The following PTPRS variants were observed in gnomAD, a reference collection of about 807,000 sequenced individuals.
PTPRS encodes the protein receptor-type tyrosine-protein phosphatase S.
In PTPRS, 63 loss-of-function variants were observed where a neutral mutation model predicts 215.3. That is an observed-to-expected ratio of 0.29 (90% CI 0.24 to 0.36). The LOEUF is 0.36. Among genes scored for constraint, PTPRS ranks in the 10% least tolerant of loss-of-function variants. The pLI is 1.00. For synonymous variants in PTPRS, 1,404 were observed against 1,191.4 expected, an observed-to-expected ratio of 1.18 and a Z score of -3.68; for missense variants, 2,258 against 2,825.8, an observed-to-expected ratio of 0.80 and a Z score of 4.56.
intron 24 of PTPRS, 74 bp from the exon 25 acceptor site, chr19:5,218,606 G>A (rs1489637695): frequency 6.5e-7 from 1 of 1,542,804 alleles, no homozygotes; most frequent in African/African-American, 1.4e-5. Flanking sequence ...TCAGGCCCCA[G>A]GAATGCATGG....
intron 37 of PTPRS, among the ~76,000 whole-genome samples, 177 bp from the exon 38 acceptor site, chr19:5,207,019 AAC>A (rs2040419107): frequency 6.6e-6 from 1 of 152,210 alleles, no homozygotes; most frequent in South Asian, 2.1e-4. Context: ...CTCTCTGCCT[AAC>A]ACAGCCAGGC....
chr19:5,210,718 C>G lies in PTPRS; in HGVS notation c.5322G>C (p.Thr1774=), dbSNP rs374038876. 28 of 1,614,212 alleles carry G rather than the reference C, an allele frequency of 1.7e-5. 2 individuals are homozygous for G. The Middle Eastern group carries it at 6.6e-4, about 38-fold the overall frequency. Residue 1774 remains threonine, a synonymous_variant, in exon 34 of 38, where the codon ACG becomes ACC. Transcript: ENST00000262963. This position sits in a 1 kb window ranked among gnomAD's most constrained non-coding sequence, Gnocchi z 4.5. ...GCAGCTTGGTCAGCATCACCACGAT[C>G]GTCGAATTGTTCTCCCACAGCATGC... The part of the protein sequence containing the change: ...FWRMLWENNS[T]IVVMLTKLRE...
rs1217445271 is a variant in PTPRS, at chr19:5,211,619, G to A, written c.5205C>T (p.Tyr1735=). Residue 1735 remains tyrosine, a synonymous_variant, in exon 33 of 38, where the codon TAC becomes TAT. Transcript: ENST00000262963. ...QPIRGVEGSD[Y]INASFIDGYR... ...AGCCATCAATGAAGCTGGCGTTGAT[G>A]TAGTCAGAGCCCTCCACACCCCGGA... is the stretch of plus-strand genomic sequence containing the variant. 2 of 1,611,652 alleles carry A rather than the reference G, an allele frequency of 1.2e-6. No individual in the cohort carries two copies. The highest frequency in any genetic ancestry group is 8.5e-7 in the Non-Finnish European group (1 of 1,178,038).
In PTPRS at chr19:5,220,123, C is replaced by T. The variant is rs115469963; in HGVS notation, c.3581G>A (p.Arg1194His). The T allele has an allele frequency of 5.4e-5, 87 of 1,612,606 alleles. No homozygotes were observed. The highest frequency in any genetic ancestry group is 3.3e-4 in the Middle Eastern group (2 of 6,082). The stretch of plus-strand genomic sequence containing the variant: ...CAGCTGACGCGAGTGCCGCAGGCTG[C>T]GCCTCTGTAGCCGTGAGATGTCCTG... ...LIQDISRLQR[R>H]SLRHSRQLEV... Residue 1194 changes from arginine (R) to histidine (H), a missense_variant, in exon 22 of 38, where the codon CGC (arginine) becomes CAC (histidine). Around this residue, in one of 6 missense-constraint regions of PTPRS, gnomAD observed 927 missense variants for 1,125.9 expected, o/e 0.82. Transcript: ENST00000262963.
At chr19:5,322,998 G>C (rs2050073166) in intron 1 of PTPRS, among the ~76,000 whole-genome samples, 1 of 152,026 alleles carries the variant, frequency 6.6e-6, no homozygotes, top group South Asian at 2.1e-4. Context: ...TGTATGCCTG[G>C]AGCCCTACTG....
At chr19:5,207,402 G>A (rs1409819201) in intron 37 of PTPRS, among the ~76,000 whole-genome samples, 1 of 152,002 alleles carries the variant, frequency 6.6e-6, no homozygotes, top group African/African-American at 2.4e-5. Context: ...TATTTTTTTT[G>A]TAGAGATGGG....
chr19:5,238,880 TC>T (rs1483811248), intron 13 of PTPRS, 38 bp downstream of exon 13: 2 of 1,539,940 alleles, frequency 1.3e-6, no homozygotes, highest in Non-Finnish European at 1.7e-6. Context: ...CAGGCCGTGG[TC>T]CCTCCCGCAG....
chr19:5,219,835 A>C, intron 22 of PTPRS, 104 bp downstream of exon 22: 1 of 1,301,226 alleles, frequency 7.7e-7, no homozygotes, highest in Non-Finnish European at 1.1e-6. Flanking sequence ...CTCTGACCAC[A>C]GGGAGCTGCC....
At chr19:5,307,304 A>G (rs1264646234) in intron 1 of PTPRS, among the ~76,000 whole-genome samples, 1 of 151,326 alleles carries the variant, frequency 6.6e-6, no homozygotes, top group Non-Finnish European at 1.5e-5. Context: ...GCGAAACTCC[A>G]TTTCAAAAAT....
In PTPRS at chr19:5,207,501, C is replaced by T. The variant is rs185029724; in HGVS notation, c.5778+421G>A. On this transcript the variant is annotated intron_variant, in intron 37 of 37. Transcript: ENST00000262963. ...GGATTACAGGTGTGAGCTGCCACGC[C>T]GGGTCCCCTCTACTCATCTTTTAAG... Among the ~76,000 whole-genome samples, 504 of 152,332 alleles carry T rather than the reference C, an allele frequency of 3.3e-3. 2 individuals are homozygous for T. Among genetic ancestry groups the T allele is most frequent in the African/African-American group, 0.012 (487 of 41,564 alleles).
At position 5,231,625 on chromosome 19, in the gene PTPRS, G is replaced by C. The variant is rs754257574; in HGVS notation, c.1850-10C>G. 4 of 169,354 alleles carry C rather than the reference G, an allele frequency of 2.4e-5. No individual in the cohort carries two copies. The highest frequency in any genetic ancestry group is 2.6e-4 in the East Asian group (1 of 3,802). 10.5% of individuals were successfully genotyped at this position (169,354 alleles called of 1,614,324 possible). A position where few individuals can be genotyped will look rare whatever the true frequency, so the allele number is the denominator to read the frequency against. ...GGGGGGGCTGACGGTTCTATTGGAG[G>C]GGGGGAGAACGTGGGGGGGTGGGGA... On this transcript the variant is annotated splice_polypyrimidine_tract_variant and intron_variant, in intron 13 of 37. Transcript: ENST00000262963.
At chr19:5,208,470 C>T (rs574027016) in intron 35 of PTPRS, 79 bp from the exon 36 acceptor site, 26 of 1,315,720 alleles carry the variant, frequency 2.0e-5, no homozygotes, top group Non-Finnish European at 2.5e-5. Flanking sequence ...CTATCTTCAC[C>T]CCCATTTTTT....
intron 1 of PTPRS, among the ~76,000 whole-genome samples, chr19:5,325,205 G>A (rs1031113098): frequency 1.3e-5 from 2 of 152,234 alleles, no homozygotes; most frequent in Non-Finnish European, 2.9e-5. Context: ...CTGACAGGTA[G>A]AGAGGAGCAT....
At chr19:5,286,374 G>A (rs2048351987) in intron 1 of PTPRS, 140 bp from the exon 2 acceptor site, 3 of 551,084 alleles carry the variant, frequency 5.4e-6, no homozygotes, top group Admixed American at 3.1e-5. Context: ...GGATCATGGG[G>A]TGATGGGATG....
rs768988361 is a variant in PTPRS, at chr19:5,220,368, GA to G, written c.3456-16del. On this transcript the variant is annotated splice_polypyrimidine_tract_variant and intron_variant, in intron 20 of 37. Coordinates refer to ENST00000262963, the MANE Select transcript of PTPRS (RefSeq NM_002850.4). ...TGAAATAGCTCCTGTAGGGAGATGGGAAAGAGTCAGAGGGGCTGTCGATAGG... is the reference window on the plus strand; with the variant it reads ...TGAAATAGCTCCTGTAGGGAGATGGGAAGAGTCAGAGGGGCTGTCGATAGG... 8.1e-6 allele frequency: 13 copies of G among 1,604,510 alleles called. No homozygotes were observed. The highest frequency in any genetic ancestry group is 1.1e-5 in the Non-Finnish European group (13 of 1,172,714).
At chr19:5,297,851 G>T (rs941706564) in intron 1 of PTPRS, among the ~76,000 whole-genome samples, 1 of 147,806 alleles carries the variant, frequency 6.8e-6, no homozygotes, top group Non-Finnish European at 1.5e-5. Flanking sequence ...GGAGTGCAGT[G>T]GCACGATCTC....
rs562209053 is a variant in PTPRS, at chr19:5,257,021, G to A, written c.707-902C>T. The stretch of plus-strand genomic sequence containing the variant: ...GGGGCAGCCCTAGGGATTGAAGGGC[G>A]CCCTGGCATCCTGGCAGAAGCTGTT... On this transcript the variant is annotated intron_variant, in intron 8 of 37. Transcript: ENST00000262963. This position sits in a 1 kb window ranked among gnomAD's most constrained non-coding sequence, Gnocchi z 4.4. Among the ~76,000 whole-genome samples, 14 of 151,854 alleles carry A rather than the reference G, an allele frequency of 9.2e-5. No individual in the cohort carries two copies. Among genetic ancestry groups the A allele is most frequent in the African/African-American group, 3.1e-4 (13 of 41,396 alleles).
intron 2 of PTPRS, among the ~76,000 whole-genome samples, chr19:5,284,749 C>T (rs540958430): frequency 1.3e-5 from 2 of 152,148 alleles, no homozygotes; most frequent in South Asian, 4.2e-4. Flanking sequence ...GAGTTCGAGA[C>T]CAGCCTGGGC....
chr19:5,215,089 T>C (rs1251482463), intron 28 of PTPRS, among the ~76,000 whole-genome samples, 200 bp downstream of exon 28: 1 of 152,262 alleles, frequency 6.6e-6, no homozygotes, highest in African/African-American at 2.4e-5. Flanking sequence ...TCACAACTGA[T>C]GCAGAAGGAC....
Sources: allele counts gnomAD v4.1 joint callset (sites outside exome capture counted in the v4.1 genomes callset), GRCh38; gene constraint gnomAD v4.1.1; regional missense constraint gnomAD v4.1.1; non-coding constraint Gnocchi (gnomAD v3.1); transcripts MANE v1.5; gene names NCBI Gene and HGNC (gene_info 2026-07-23, HGNC 2026-07-21).